Variants in PHC3 observed in about 807,000 individuals in gnomAD.
The protein encoded by PHC3 is polyhomeotic-like protein 3.
Under a neutral mutation model 107.4 loss-of-function variants are expected in PHC3, and 13 were observed. The ratio of observed to expected loss-of-function variants is 0.12; its 90% CI spans 0.08 to 0.19. The LOEUF is 0.19. Ranked by LOEUF, PHC3 falls within the 10% of genes least tolerant of loss-of-function variation. PHC3 has a pLI of 1.00. For synonymous variants in PHC3, 456 were observed against 427.4 expected (o/e 1.07, Z -0.83); for missense variants, 992 against 1,210.9 (o/e 0.82, Z 2.68).
intron 6 of PHC3, among the ~76,000 whole-genome samples, chr3:170,137,438 G>T (rs74541777): frequency 0.012 from 1,852 of 152,176 alleles, 40 homozygotes; most frequent in African/African-American, 0.042. Flanking sequence ...GAAAAATGCT[G>T]CTCCAAAAGT....
At chr3:170,104,354 C>T (rs1716061111) in intron 12 of PHC3, among the ~76,000 whole-genome samples, 1 of 152,084 alleles carries the variant, frequency 6.6e-6, no homozygotes, top group Non-Finnish European at 1.5e-5. Context: ...ATCTAAGAAA[C>T]AAATTTCTGA....
At chr3:170,136,051 T>C (rs1723021565) in intron 7 of PHC3, among the ~76,000 whole-genome samples, 3 of 152,300 alleles carry the variant, frequency 2.0e-5, no homozygotes, top group African/African-American at 7.2e-5. Flanking sequence ...ATAACAACTT[T>C]AAACAAAATA....
intron 6 of PHC3, among the ~76,000 whole-genome samples, chr3:170,144,103 G>A (rs528396022): frequency 6.7e-6 from 1 of 148,228 alleles, no homozygotes; most frequent in African/African-American, 2.5e-5. Context: ...GAGGCGGGCA[G>A]ATCACCTGAG....
intron 2 of PHC3, among the ~76,000 whole-genome samples, chr3:170,173,152 C>G (rs1729886255): frequency 2.0e-5 from 3 of 151,096 alleles, no homozygotes; most frequent in African/African-American, 7.3e-5. Flanking sequence ...AAGATCATGC[C>G]ACTGCACTCC....
At chr3:170,154,201 T>C (rs920635428) in intron 4 of PHC3, among the ~76,000 whole-genome samples, 23 of 152,226 alleles carry the variant, frequency 1.5e-4, no homozygotes, top group African/African-American at 5.1e-4. Context: ...AAGGTCTTCA[T>C]TCAATAAGCT....
At position 170,136,660 on chromosome 3, in the gene PHC3, C is replaced by T. The variant is rs1382216635; in HGVS notation, c.678G>A (p.Gln226=). ...SSCQSAATQV[Q]NLTLRSQKLG... ...ACTTCTGGCTGCGTAATGTTAAATTCTGAACCTAAGAACCACATAACAGAA... is the reference window on the plus strand; with the variant it reads ...ACTTCTGGCTGCGTAATGTTAAATTTTGAACCTAAGAACCACATAACAGAA... Residue 226 remains glutamine, a synonymous_variant, in exon 7 of 15, where the codon CAG becomes CAA. Coordinates refer to ENST00000495893, the MANE Select transcript of PHC3 (RefSeq NM_024947.4). 3.7e-6 allele frequency: 6 copies of T among 1,612,904 alleles called. No individual in the cohort carries two copies. Among genetic ancestry groups the T allele is most frequent in the Non-Finnish European group, 5.1e-6 (6 of 1,179,396 alleles).
In PHC3 at chr3:170,091,815, G is replaced by A. The variant is rs1219006691; in HGVS notation, c.*5415C>T. 6.6e-6 allele frequency: 1 copy of A among 152,044 alleles called. No homozygotes were observed. The highest frequency in any genetic ancestry group is 1.5e-5 in the Non-Finnish European group (1 of 67,984). 9.4% of individuals were successfully genotyped at this position (152,044 alleles called of 1,614,324 possible). A position where few individuals can be genotyped will look rare whatever the true frequency, so the allele number is the denominator to read the frequency against. On this transcript the variant is annotated 3_prime_UTR_variant, in exon 15 of 15. Coordinates refer to ENST00000495893, the MANE Select transcript of PHC3 (RefSeq NM_024947.4). ...TTTCTCATAGTACAATTTTAAAACG[G>A]ATTAGGTTCTAAAAACTAATATGTA...
rs1488445739 is a variant in PHC3, at chr3:170,095,343, T to C, written c.*1887A>G. 3 of 152,138 alleles carry C rather than the reference T, an allele frequency of 2.0e-5. No homozygotes were observed. The highest frequency in any genetic ancestry group is 4.4e-5 in the Non-Finnish European group (3 of 68,002). 9.4% of individuals were successfully genotyped at this position (152,138 alleles called of 1,614,324 possible). ...TATATTATATTACATATTCTAATCC[T>C]ACATGTAACTATCAGTAAACATCTT... is the stretch of plus-strand genomic sequence containing the variant. On this transcript the variant is annotated 3_prime_UTR_variant, in exon 15 of 15. Coordinates refer to ENST00000495893, the MANE Select transcript of PHC3 (RefSeq NM_024947.4).
intron 10 of PHC3, 133 bp downstream of exon 10, chr3:170,117,093 T>C: frequency 8.8e-7 from 1 of 1,133,328 alleles, no homozygotes; most frequent in Non-Finnish European, 1.3e-6. Flanking sequence ...AGTAGAAAGA[T>C]AAATGCTAGA....
rs533440635 is a variant in PHC3, at chr3:170,136,916, AAAG to A, written c.673-254_673-252del. Among the ~76,000 whole-genome samples, 29 of 152,150 alleles carry A rather than the reference AAAG, an allele frequency of 1.9e-4. No individual in the cohort carries two copies. The South Asian group carries it at 6.0e-3, about 32-fold the overall frequency. On this transcript the variant is annotated intron_variant, in intron 6 of 14. Coordinates refer to ENST00000495893, the MANE Select transcript of PHC3 (RefSeq NM_024947.4). ...AAGAAAAGAGGGAGGGAGAGAAAAAAAAGAAAGGAAGAGAGGGAAGAAGAAAGG... is the reference window on the plus strand; with the variant it reads ...AAGAAAAGAGGGAGGGAGAGAAAAAAAAAGGAAGAGAGGGAAGAAGAAAGG...
At chr3:170,175,115 A>T (rs1439069425) in intron 2 of PHC3, among the ~76,000 whole-genome samples, 1 of 152,182 alleles carries the variant, frequency 6.6e-6, no homozygotes, top group Non-Finnish European at 1.5e-5. Flanking sequence ...TTATTCACCC[A>T]AGGAGGGTGA....
chr3:170,140,582 T>G (rs796698702), intron 6 of PHC3, among the ~76,000 whole-genome samples: 1 of 142,938 alleles, frequency 7.0e-6, no homozygotes, highest in Non-Finnish European at 1.5e-5. Context: ...TCATTTCTTT[T>G]TCTTTTTTTT....
At chr3:170,142,510 T>C (rs984872120) in intron 6 of PHC3, among the ~76,000 whole-genome samples, 6 of 152,072 alleles carry the variant, frequency 3.9e-5, no homozygotes, top group African/African-American at 1.4e-4. Context: ...TTTTATACAC[T>C]AAAGATACAT....
At chr3:170,114,984 G>A (rs1718616023) in intron 10 of PHC3, among the ~76,000 whole-genome samples, 1 of 151,824 alleles carries the variant, frequency 6.6e-6, no homozygotes, top group African/African-American at 2.4e-5. Context: ...CAATGCTAAG[G>A]GCATACACTT....
At position 170,105,502 on chromosome 3, in the gene PHC3, GAGGTTA is replaced by G. The variant is rs566428046; in HGVS notation, c.2468+1324_2468+1329del. ...ATGCAATTATATTAATTTTTTTCAT[GAGGTTA>G]AGGTTATTTATTTTTTATGGATGCA... On this transcript the variant is annotated intron_variant, in intron 12 of 14. Coordinates refer to ENST00000495893, the MANE Select transcript of PHC3 (RefSeq NM_024947.4). Among the ~76,000 whole-genome samples the G allele has an allele frequency of 1.7e-3, 255 of 152,182 alleles. 1 individual carries two copies. The highest frequency in any genetic ancestry group is 5.9e-3 in the African/African-American group (245 of 41,534).
At chr3:170,153,955 T>C (rs1052206717) in intron 4 of PHC3, among the ~76,000 whole-genome samples, 7 of 152,108 alleles carry the variant, frequency 4.6e-5, no homozygotes, top group African/African-American at 1.7e-4. Flanking sequence ...GCCACCGCCA[T>C]GTCCCAGCCC....
chr3:170,108,379 A>C (rs1716982950), intron 11 of PHC3, among the ~76,000 whole-genome samples: 2 of 152,188 alleles, frequency 1.3e-5, no homozygotes, highest in Non-Finnish European at 2.9e-5. Context: ...AAATTAAGTG[A>C]AGTAGCAAGA....
chr3:170,111,313 GGAAGGAACGAAC>G lies in PHC3; in HGVS notation c.2353+2035_2353+2046del, dbSNP rs1171986665. Among the ~76,000 whole-genome samples the G allele has an allele frequency of 9.9e-5, 11 of 110,880 alleles. No individual in the cohort carries two copies. In the South Asian group the frequency reaches 1.7e-3, roughly 17 times the overall value. The allele number at this position is 110,880 out of a possible 152,430, so 72.7% of individuals were successfully genotyped here. On this transcript the variant is annotated intron_variant, in intron 11 of 14. Transcript: ENST00000495893. ...AGGAAGGAAGGAAGGAAGGAAGGAA[GGAAGGAACGAAC>G]GAACGAAAGAACAAAAGAACGGAAA...
intron 4 of PHC3, among the ~76,000 whole-genome samples, chr3:170,157,125 A>G (rs1194893496): frequency 6.6e-6 from 1 of 152,250 alleles, no homozygotes; most frequent in Non-Finnish European, 1.5e-5. Flanking sequence ...AGCGATGGTT[A>G]TATAAAATAA....
Sources: gnomAD v4.1 joint callset for allele counts (sites outside exome capture counted in the v4.1 genomes callset) on GRCh38, gnomAD v4.1.1 for gene constraint, MANE v1.5 for transcripts, NCBI Gene and HGNC (gene_info 2026-07-23, HGNC 2026-07-21) for gene names.